Variants in MTA3 observed in about 807,000 individuals in gnomAD.
MTA3 encodes the protein metastasis-associated protein MTA3.
In MTA3, 34 loss-of-function variants were observed where a neutral mutation model predicts 83.5. The observed-to-expected ratio is 0.41, with a 90% CI of 0.31 to 0.54. The LOEUF (loss-of-function observed/expected upper bound fraction) is 0.54. Among genes scored for constraint, MTA3 ranks in the 20% least tolerant of loss-of-function variants. The pLI is 0.33. For synonymous variants in MTA3, 303 were observed against 252.7 expected (o/e 1.20, Z -1.89); for missense variants, 761 against 726.4 (o/e 1.05, Z -0.55).
At chr2:42,623,554 C>T (rs1416845606) in intron 4 of MTA3, among the ~76,000 whole-genome samples, 1 of 152,080 alleles carries the variant, frequency 6.6e-6, no homozygotes, top group Non-Finnish European at 1.5e-5. Flanking sequence ...GTTAGGACTT[C>T]CCTTTTCCTT....
At chr2:42,641,827 C>T (rs1687722352) in intron 5 of MTA3, among the ~76,000 whole-genome samples, 1 of 151,588 alleles carries the variant, frequency 6.6e-6, no homozygotes. Flanking sequence ...GATCGCGCTA[C>T]TATACCTCTA....
At chr2:42,695,985 T>A in intron 10 of MTA3, 146 bp downstream of exon 10, 1 of 553,728 alleles carries the variant, frequency 1.8e-6, no homozygotes, top group Non-Finnish European at 3.2e-6. Context: ...TTCATATCTT[T>A]AGGATATTAT....
At chr2:42,682,997 G>A (rs1377988770) in intron 9 of MTA3, among the ~76,000 whole-genome samples, 4 of 152,166 alleles carry the variant, frequency 2.6e-5, no homozygotes, top group Non-Finnish European at 2.9e-5. Context: ...TCTTGAACCC[G>A]GAGGTGGAGG....
chr2:42,660,890 A>C (rs926215689), intron 8 of MTA3, among the ~76,000 whole-genome samples: 1 of 152,226 alleles, frequency 6.6e-6, no homozygotes, highest in African/African-American at 2.4e-5. Flanking sequence ...GTGATTGCCC[A>C]GGCTGGTCTT....
At chr2:42,664,691 G>A (rs1420272465) in intron 8 of MTA3, among the ~76,000 whole-genome samples, 1 of 151,854 alleles carries the variant, frequency 6.6e-6, no homozygotes, top group Admixed American at 6.6e-5. Context: ...TTTCTATTAG[G>A]TGATCAAACC....
chr2:42,574,673 G>A (rs1308323332), intron 2 of MTA3, among the ~76,000 whole-genome samples: 1 of 148,166 alleles, frequency 6.7e-6, no homozygotes, highest in Non-Finnish European at 1.5e-5. Context: ...TGATCCACCC[G>A]CCTTGGCCTC....
At chr2:42,731,664 A>G (rs1431549320) in intron 16 of MTA3, among the ~76,000 whole-genome samples, 4 of 152,326 alleles carry the variant, frequency 2.6e-5, no homozygotes, top group African/African-American at 9.6e-5. Context: ...CGACACAGCC[A>G]AACCATATCA....
At chr2:42,633,212 G>C (rs1686853109) in intron 4 of MTA3, among the ~76,000 whole-genome samples, 1 of 151,754 alleles carries the variant, frequency 6.6e-6, no homozygotes, top group Non-Finnish European at 1.5e-5. Flanking sequence ...GCAGTGAGCC[G>C]AGGTTGCAGT....
chr2:42,727,092 G>A (rs771240434), intron 16 of MTA3, among the ~76,000 whole-genome samples: 31 of 152,128 alleles, frequency 2.0e-4, no homozygotes, highest in Non-Finnish European at 2.5e-4. Context: ...GCTACTTGGC[G>A]GGGGCTGAGG....
At chr2:42,538,935 C>T (rs1458211783) in intron 2 of MTA3, among the ~76,000 whole-genome samples, 16 of 149,564 alleles carry the variant, frequency 1.1e-4, no homozygotes, top group Admixed American at 8.0e-4. Flanking sequence ...CCACCGTGCC[C>T]GGCTAATTTT....
intron 11 of MTA3, among the ~76,000 whole-genome samples, chr2:42,699,639 G>T (rs1172380152): frequency 6.6e-6 from 1 of 152,128 alleles, no homozygotes; most frequent in African/African-American, 2.4e-5. Flanking sequence ...TTTATGGCGG[G>T]CGGGGGTGTC....
intron 2 of MTA3, among the ~76,000 whole-genome samples, chr2:42,539,737 A>G (rs1676436883): frequency 6.6e-6 from 1 of 151,916 alleles, no homozygotes; most frequent in Admixed American, 6.6e-5. Flanking sequence ...ATGTGCCACC[A>G]TGCCCAGCTA....
chr2:42,572,136 G>T (rs556756137), intron 2 of MTA3, among the ~76,000 whole-genome samples: 1 of 151,770 alleles, frequency 6.6e-6, no homozygotes, highest in Non-Finnish European at 1.5e-5. Flanking sequence ...AAAATTAGCC[G>T]GGCATGGTGG....
At chr2:42,705,711 C>A (rs6753230) in intron 12 of MTA3, among the ~76,000 whole-genome samples, 99,165 of 151,776 alleles carry the variant, frequency 0.65, 33,039 homozygotes, top group South Asian at 0.79. Context: ...GTCTCCCCCC[C>A]GCCCCCAAAA....
chr2:42,617,814 C>T (rs1036523964), intron 4 of MTA3, among the ~76,000 whole-genome samples: 3 of 151,838 alleles, frequency 2.0e-5, no homozygotes, highest in African/African-American at 7.3e-5. Context: ...ATAAAATTTG[C>T]ACATTTGGAC....
intron 4 of MTA3, among the ~76,000 whole-genome samples, chr2:42,629,092 T>G (rs868196806): frequency 6.6e-6 from 1 of 152,024 alleles, no homozygotes; most frequent in African/African-American, 2.4e-5. Context: ...TATATATATA[T>G]TTTTTGAGAC....
chr2:42,672,147 C>T (rs1383555215), intron 8 of MTA3, among the ~76,000 whole-genome samples: 1 of 152,082 alleles, frequency 6.6e-6, no homozygotes, highest in Non-Finnish European at 1.5e-5. Flanking sequence ...TTGGAAATGA[C>T]ATCTGGGGAC....
intron 8 of MTA3, among the ~76,000 whole-genome samples, chr2:42,665,239 A>G (rs2104389230): frequency 6.6e-6 from 1 of 152,230 alleles, no homozygotes; most frequent in African/African-American, 2.4e-5. Context: ...TAAAAATACA[A>G]AAGTTAGCTG....
intron 2 of MTA3, among the ~76,000 whole-genome samples, chr2:42,520,198 T>A (rs1675355681): frequency 6.6e-6 from 1 of 152,142 alleles, no homozygotes; most frequent in Non-Finnish European, 1.5e-5. Context: ...CCCTTAATGC[T>A]CTGCTCCAGC....
Sources: allele counts gnomAD v4.1 joint callset (sites outside exome capture counted in the v4.1 genomes callset), GRCh38; gene constraint gnomAD v4.1.1; transcripts MANE v1.5; gene names NCBI Gene and HGNC (gene_info 2026-07-23, HGNC 2026-07-21).